Variants in HMCN2 observed in about 807,000 individuals in gnomAD.
The protein encoded by HMCN2 is hemicentin 2, also known as hemicentin-2.
A neutral mutation model predicts 377.5 loss-of-function variants in HMCN2; 325 were observed. That is an observed-to-expected ratio of 0.86 (90% CI 0.79 to 0.94). HMCN2 has a LOEUF of 0.94. HMCN2 is among the 40% of genes least tolerant of loss of function. HMCN2 has a pLI of 0.00. For missense variants in HMCN2, 4,543 were observed against 4,725.3 expected, an observed-to-expected ratio of 0.96 and a Z score of 1.13; for synonymous variants, 2,007 against 2,046.8, an observed-to-expected ratio of 0.98 and a Z score of 0.53.
intron 45 of HMCN2, among the ~76,000 whole-genome samples, chr9:130,370,619 C>T (rs939738402): frequency 9.8e-5 from 15 of 152,370 alleles, no homozygotes; most frequent in African/African-American, 3.6e-4. Flanking sequence ...GCACATCTGG[C>T]TTCGCCTTTG....
rs138761276 is a variant in HMCN2 at position 130,306,475 on chromosome 9, G to T, written c.1958+205G>T. On this transcript the variant is annotated intron_variant, in intron 12 of 97. Coordinates refer to ENST00000683500, the MANE Select transcript of HMCN2 (RefSeq NM_001291815.2). ...GTGGGCTCAGCGCTCAGGAGCTCAG[G>T]CTGTATGGACCTGCGCCCAAATCCC... 2.3e-3 allele frequency among the ~76,000 whole-genome samples: 352 copies of T among 152,244 alleles called. 1 individual carries two copies. Among genetic ancestry groups the T allele is most frequent in the African/African-American group, 8.2e-3 (340 of 41,544 alleles).
intron 25 of HMCN2, among the ~76,000 whole-genome samples, 163 bp downstream of exon 25, chr9:130,342,599 G>A (rs1839117908): frequency 6.6e-6 from 1 of 152,188 alleles, no homozygotes; most frequent in Non-Finnish European, 1.5e-5. Flanking sequence ...AACCCTGCAG[G>A]ATGGTGTTAT....
Position 130,369,442 on chromosome 9 carries a change from A to C in HMCN2, c.6788-128A>C. 2 of 334,686 alleles carry C rather than the reference A, an allele frequency of 6.0e-6. No homozygotes were observed. The highest frequency in any genetic ancestry group is 4.3e-6 in the Non-Finnish European group (1 of 234,718). The allele number at this position is 334,686 out of a possible 1,614,324, so 20.7% of individuals were successfully genotyped here. ...ATTGTTGGGAAGGAAAATGGAGGTGAGGTCACGAGGTCACACAGCCAGCGA... is the reference window on the plus strand; with the variant it reads ...ATTGTTGGGAAGGAAAATGGAGGTGCGGTCACGAGGTCACACAGCCAGCGA... On this transcript the variant is annotated intron_variant, in intron 44 of 97. Transcript: ENST00000683500. This position sits in a 1 kb window ranked among gnomAD's most constrained non-coding sequence, Gnocchi z 4.5.
Position 130,375,582 on chromosome 9 carries a change from A to AG in HMCN2, c.7654dup (p.Ala2552GlyfsTer7). On this transcript the variant is annotated frameshift_variant, in exon 50 of 98. Transcript: ENST00000683500. LOFTEE classifies it high-confidence loss of function. ...TCACAGTGGCTCCCACCATCCTGGG[A>AG]GGGGCCGAGGACAGTGCAGATGAGG... 1.0e-6 allele frequency: 1 copy of AG among 985,774 alleles called. No homozygotes were observed. The highest frequency in any genetic ancestry group is 1.2e-6 in the Non-Finnish European group (1 of 829,938). 61.1% of individuals were successfully genotyped at this position (985,774 alleles called of 1,614,324 possible).
At chr9:130,309,884 G>GC in intron 14 of HMCN2, 28 bp from the exon 15 acceptor site, 2 of 457,586 alleles carry the variant, frequency 4.4e-6, no homozygotes, top group South Asian at 1.6e-5. Context: ...AGGGACACCG[G>GC]CCTGATGCTT....
intron 34 of HMCN2, among the ~76,000 whole-genome samples, chr9:130,357,119 T>C (rs547678393): frequency 1.0e-4 from 15 of 149,018 alleles, no homozygotes; most frequent in African/African-American, 3.7e-4. Context: ...GATGGGTAGA[T>C]AGATGGAAGC....
chr9:130,395,057 G>T lies in HMCN2; in HGVS notation c.10723G>T (p.Ala3575Ser). The change falls in exon 70 of 98, where the codon GCT becomes TCT. Residue 3575 changes from alanine to serine, a missense_variant. Transcript: ENST00000683500. ...GGATGCTGGGCTGTACACTTGTCTG[G>T]CTGAAAGCCCTGCAGGTGCAATTGA... ...VRDAGLYTCLAESPAGAIEKS... is the reference protein window; with the variant it reads ...VRDAGLYTCLSESPAGAIEKS... 1 of 1,286,098 alleles carries T rather than the reference G, an allele frequency of 7.8e-7. No individual in the cohort carries two copies. 79.7% of individuals were successfully genotyped at this position (1,286,098 alleles called of 1,614,324 possible). A position where few individuals can be genotyped will look rare whatever the true frequency, so the allele number is the denominator to read the frequency against.
chr9:130,396,271 G>T lies in HMCN2; in HGVS notation c.11156G>T (p.Ser3719Ile). ...GACGGCGTGCCCGCACCCCTCGTGAGCTGGCGGAAGGACAGGGTCCCCCTG... is the reference window on the plus strand; with the variant it reads ...GACGGCGTGCCCGCACCCCTCGTGATCTGGCGGAAGGACAGGGTCCCCCTG... ...QADGVPAPLV[S>I]WRKDRVPLDP... The change falls in exon 73 of 98, where the codon AGC becomes ATC. Residue 3719 changes from serine to isoleucine, a missense_variant. Coordinates refer to ENST00000683500, the MANE Select transcript of HMCN2 (RefSeq NM_001291815.2). 1 of 1,285,022 alleles carries T rather than the reference G, an allele frequency of 7.8e-7. No homozygotes were observed. Among genetic ancestry groups the T allele is most frequent in the Non-Finnish European group, 1.0e-6 (1 of 984,842 alleles). The allele number at this position is 1,285,022 out of a possible 1,614,324, so 79.6% of individuals were successfully genotyped here.
chr9:130,370,837 C>T (rs940207966), intron 45 of HMCN2, 127 bp from the exon 46 acceptor site: 5 of 470,258 alleles, frequency 1.1e-5, no homozygotes, highest in Non-Finnish European at 1.4e-5. Flanking sequence ...GCTCTGCTCT[C>T]GTCACTTCTG....
intron 54 of HMCN2, 84 bp downstream of exon 54, chr9:130,379,551 A>G: frequency 1.9e-6 from 1 of 524,838 alleles, no homozygotes; most frequent in Non-Finnish European, 2.4e-6. Flanking sequence ...AGAGCACACA[A>G]CCACTCTGGA....
intron 81 of HMCN2, 67 bp downstream of exon 81, chr9:130,405,126 G>A (rs972007394): frequency 1.4e-5 from 15 of 1,107,278 alleles, no homozygotes; most frequent in East Asian, 6.3e-5. Flanking sequence ...CATGCTCTGC[G>A]CTGAGCACTA....
intron 36 of HMCN2, 133 bp from the exon 37 acceptor site, chr9:130,359,186 A>G: frequency 2.9e-6 from 1 of 343,426 alleles, no homozygotes; most frequent in Non-Finnish European, 5.6e-6. Context: ...TAGTCTGAGG[A>G]CATGAGCTGT....
chr9:130,369,331 A>G lies in HMCN2; in HGVS notation c.6788-239A>G, dbSNP rs1183500526. ...TGGTTTTTGAGGAAGAAAACCCATC[A>G]CACTTCCTGAAAGGGCTGTTCCCCA... On this transcript the variant is annotated intron_variant, in intron 44 of 97. Transcript: ENST00000683500. This position sits in a 1 kb window ranked among gnomAD's most constrained non-coding sequence, Gnocchi z 4.5. 6.6e-6 allele frequency among the ~76,000 whole-genome samples: 1 copy of G among 152,152 alleles called. No homozygotes were observed. The highest frequency in any genetic ancestry group is 2.4e-5 in the African/African-American group (1 of 41,422).
chr9:130,273,299 A>G (rs1204142091), intron 1 of HMCN2, among the ~76,000 whole-genome samples: 2 of 152,144 alleles, frequency 1.3e-5, no homozygotes, highest in Non-Finnish European at 2.9e-5. Context: ...TTCTTTTACT[A>G]AAGTTTTTTT....
intron 75 of HMCN2, among the ~76,000 whole-genome samples, chr9:130,399,148 G>A (rs1454023193): frequency 6.6e-6 from 1 of 151,614 alleles, no homozygotes; most frequent in Non-Finnish European, 1.5e-5. Flanking sequence ...AGCTACCTGG[G>A]AGGCTGAGAT....
Position 130,408,884 on chromosome 9 carries a change from A to G in HMCN2, c.12830A>G (p.His4277Arg), listed in dbSNP as rs1451949113. 1.6e-6 allele frequency: 2 copies of G among 1,289,690 alleles called. No homozygotes were observed. Among genetic ancestry groups the G allele is most frequent in the Non-Finnish European group, 2.0e-6 (2 of 988,850 alleles). 79.9% of individuals were successfully genotyped at this position (1,289,690 alleles called of 1,614,324 possible). A position where few individuals can be genotyped will look rare whatever the true frequency, so the allele number is the denominator to read the frequency against. The part of the protein sequence containing the change: ...IKDGLPLRGS[H>R]LRHQLQNGSL... Reference sequence around the variant, plus strand: ...GATGGCCTTCCACTGCGGGGCAGCCACCTCCGGCACCAGCTGCAGAATGGC... The same window carrying G: ...GATGGCCTTCCACTGCGGGGCAGCCGCCTCCGGCACCAGCTGCAGAATGGC... Residue 4277 changes from histidine to arginine, a missense_variant, in exon 84 of 98, where the codon CAC becomes CGC. This residue lies in a region of HMCN2 where 1,155 missense variants were observed against 1,157.7 expected (regional missense o/e 1.00). Transcript: ENST00000683500.
intron 96 of HMCN2, 118 bp from the exon 97 acceptor site, chr9:130,432,311 G>A: frequency 1.1e-6 from 1 of 910,748 alleles, no homozygotes; most frequent in Admixed American, 2.1e-5. Flanking sequence ...GGGGACAAAG[G>A]GAGAAGGGCT....
At position 130,286,616 on chromosome 9, in the gene HMCN2, C is replaced by T. The variant is rs115065846; in HGVS notation, c.612+306C>T. 4.4e-3 allele frequency among the ~76,000 whole-genome samples: 666 copies of T among 152,352 alleles called. 6 individuals carry two copies. The highest frequency in any genetic ancestry group is 0.015 in the African/African-American group (637 of 41,582). On this transcript the variant is annotated intron_variant, in intron 4 of 97. Transcript: ENST00000683500. ...GCTTGACGCAGCCCCTTGGGATGGC[C>T]TGGGTTCAGCAGTTGGTCCAGGCTG...
intron 15 of HMCN2, 143 bp downstream of exon 15, chr9:130,310,204 G>A (rs1179828612): frequency 3.9e-6 from 1 of 257,310 alleles, no homozygotes; most frequent in Non-Finnish European, 8.1e-6. Flanking sequence ...GTGGGGACAG[G>A]GGAAGTCCAG....
Sources: allele counts gnomAD v4.1 joint callset (sites outside exome capture counted in the v4.1 genomes callset), GRCh38; gene constraint gnomAD v4.1.1; regional missense constraint gnomAD v4.1.1; non-coding constraint Gnocchi (gnomAD v3.1); transcripts MANE v1.5; gene names NCBI Gene and HGNC (gene_info 2026-07-23, HGNC 2026-07-21).